The following EYS variants were observed in gnomAD, a reference collection of about 807,000 sequenced individuals.
The protein encoded by EYS is EGF-like photoreceptor maintenance factor, also known as protein eyes shut homolog.
In EYS, 250 loss-of-function variants were observed where a neutral mutation model predicts 282.1. The observed-to-expected ratio is 0.89, with a 90% confidence interval of 0.80 to 0.98. The LOEUF is 0.98. Among genes scored for constraint, EYS ranks in the 50% least tolerant of loss-of-function variants. The probability of loss-of-function intolerance (pLI) is 0.00; values close to 1 mark genes in which losing one functional copy is unlikely to be tolerated. For synonymous variants in EYS, 1,355 were observed against 1,282.9 expected (o/e 1.06, Z -1.20); for missense variants, 4,016 against 3,709.0 (o/e 1.08, Z -2.15).
intron 21 of EYS, among the ~76,000 whole-genome samples, chr6:64,814,706 G>T (rs1471019822): frequency 6.6e-6 from 1 of 151,926 alleles, no homozygotes; most frequent in Non-Finnish European, 1.5e-5. Context: ...TTTATGGAAA[G>T]TTATGACATC....
At chr6:65,138,509 T>C (rs1005316883) in intron 12 of EYS, among the ~76,000 whole-genome samples, 1 of 152,104 alleles carries the variant, frequency 6.6e-6, no homozygotes, top group African/African-American at 2.4e-5. Flanking sequence ...TAATAATGGC[T>C]AACAATCCTG....
intron 2 of EYS, among the ~76,000 whole-genome samples, chr6:65,595,133 C>T (rs1765363530): frequency 6.6e-6 from 1 of 151,970 alleles, no homozygotes. Flanking sequence ...GAATACTATT[C>T]AGCCATAAAA....
intron 12 of EYS, among the ~76,000 whole-genome samples, chr6:65,079,565 A>T (rs561927198): frequency 6.6e-6 from 1 of 152,228 alleles, no homozygotes; most frequent in East Asian, 1.9e-4. Flanking sequence ...CTGTTTTAAT[A>T]GTGATAACAT....
chr6:64,949,350 A>C (rs1003648640), intron 14 of EYS, among the ~76,000 whole-genome samples: 2 of 151,928 alleles, frequency 1.3e-5, no homozygotes, highest in African/African-American at 4.8e-5. Context: ...TGATTGTAGC[A>C]GAATTCATTT....
chr6:65,356,115 T>C (rs1764473999), intron 8 of EYS, among the ~76,000 whole-genome samples: 1 of 152,032 alleles, frequency 6.6e-6, no homozygotes, highest in Non-Finnish European at 1.5e-5. Flanking sequence ...GAAAATTGTT[T>C]ATACACACAT....
At chr6:65,292,635 A>C (rs1488670456) in intron 12 of EYS, among the ~76,000 whole-genome samples, 1 of 151,720 alleles carries the variant, frequency 6.6e-6, no homozygotes, top group African/African-American at 2.4e-5. Flanking sequence ...TGAAATTATA[A>C]CCTGAAGGAA....
intron 31 of EYS, among the ~76,000 whole-genome samples, chr6:64,205,111 C>G (rs956479616): frequency 6.6e-6 from 1 of 152,192 alleles, no homozygotes; most frequent in African/African-American, 2.4e-5. Flanking sequence ...ATTGAAAGCC[C>G]TTTTCATAGC....
In EYS at chr6:64,173,248, T is replaced by G. The variant is rs530057858; in HGVS notation, c.6424+57344A>C. On this transcript the variant is annotated intron_variant, in intron 31 of 42. Transcript: ENST00000503581. ...TAATGCCTACAACTATGTTTAATAT[T>G]TAAACTGTGATAGTGACCAGGGGAT... Among the ~76,000 whole-genome samples, 12 of 152,250 alleles carry G rather than the reference T, an allele frequency of 7.9e-5. No individual in the cohort carries two copies. The East Asian group carries it at 2.3e-3, about 29-fold the overall frequency.
At position 65,587,911 on chromosome 6, in the gene EYS, C is replaced by A. The variant is rs549787210; in HGVS notation, c.-333+51867G>T. ...GAAGTTCCAAGATTTGAAATTACTA[C>A]GCTTTTATTATCAAAGTTAAAGATG... On this transcript the variant is annotated intron_variant, in intron 2 of 42. Transcript: ENST00000503581. 4.5e-3 allele frequency among the ~76,000 whole-genome samples: 690 copies of A among 152,084 alleles called. 1 individual carries two copies. The highest frequency in any genetic ancestry group is 0.017 in the Middle Eastern group (5 of 294).
intron 12 of EYS, among the ~76,000 whole-genome samples, chr6:65,214,749 A>G (rs1266132433): frequency 6.6e-6 from 1 of 152,234 alleles, no homozygotes; most frequent in East Asian, 1.9e-4. Flanking sequence ...TTCAAATCAC[A>G]GGCTGACTCT....
At chr6:65,191,522 A>T (rs1359075016) in intron 12 of EYS, among the ~76,000 whole-genome samples, 3 of 151,822 alleles carry the variant, frequency 2.0e-5, no homozygotes, top group South Asian at 4.1e-4. Context: ...ATAGGAACAA[A>T]TTATGTTCTT....
chr6:65,703,196 A>G lies in EYS; in HGVS notation c.-448+3939T>C, dbSNP rs150673686. Among the ~76,000 whole-genome samples, 131 of 151,690 alleles carry G rather than the reference A, an allele frequency of 8.6e-4. 3 individuals carry two copies. The highest frequency in any genetic ancestry group is 7.4e-3 in the Admixed American group (112 of 15,220). ...GCCTCTCTCTCTCTGTCTCTCCTCT[A>G]TCTCTCTCTCTCTATATATATACTG... On this transcript the variant is annotated intron_variant, in intron 1 of 42. Transcript: ENST00000503581.
At chr6:65,137,296 A>G (rs555167777) in intron 12 of EYS, among the ~76,000 whole-genome samples, 1 of 152,256 alleles carries the variant, frequency 6.6e-6, no homozygotes, top group South Asian at 2.1e-4. Context: ...GCAGGATCAG[A>G]GAAGAAGCAG....
At chr6:65,156,136 G>T (rs1764722713) in intron 12 of EYS, among the ~76,000 whole-genome samples, 1 of 151,208 alleles carries the variant, frequency 6.6e-6, no homozygotes, top group Non-Finnish European at 1.5e-5. Context: ...TAATTAATGA[G>T]ACCTAGTGCC....
intron 14 of EYS, among the ~76,000 whole-genome samples, chr6:64,995,574 T>C (rs774407465): frequency 1.2e-4 from 18 of 152,168 alleles, no homozygotes; most frequent in Admixed American, 1.2e-3. Context: ...ACCAGTATGA[T>C]GACATTTCTG....
chr6:64,780,020 T>C (rs887700102), intron 22 of EYS, among the ~76,000 whole-genome samples: 1 of 152,190 alleles, frequency 6.6e-6, no homozygotes, highest in African/African-American at 2.4e-5. Context: ...TCTTAATCTC[T>C]TCTTAAACTC....
intron 14 of EYS, among the ~76,000 whole-genome samples, chr6:64,975,475 A>G (rs930793904): frequency 2.6e-5 from 4 of 151,874 alleles, no homozygotes; most frequent in Non-Finnish European, 4.4e-5. Flanking sequence ...TATTTTTTTA[A>G]AAAAGTTTTT....
chr6:63,826,845 C>CAAAAAAAAAAAATAAAAAAGA (rs1771475124), intron 36 of EYS, among the ~76,000 whole-genome samples: 1 of 76,762 alleles, frequency 1.3e-5, no homozygotes, highest in African/African-American at 5.1e-5. Flanking sequence ...AGTTAAAAAG[C>CAAAAAAAAAAAATAAAAAAGA]AAAAAAAAAA....
intron 31 of EYS, among the ~76,000 whole-genome samples, chr6:64,154,478 G>C (rs1291399346): frequency 6.7e-6 from 1 of 148,534 alleles, no homozygotes; most frequent in African/African-American, 2.5e-5. Flanking sequence ...CTCACAGGGA[G>C]TTTCAACTTT....
Sources: allele counts gnomAD v4.1 joint callset (sites outside exome capture counted in the v4.1 genomes callset), GRCh38; gene constraint gnomAD v4.1.1; transcripts MANE v1.5; gene names NCBI Gene and HGNC (gene_info 2026-07-23, HGNC 2026-07-21).